The following POU6F2 variants were observed in gnomAD, a reference collection of about 807,000 sequenced individuals.
POU6F2 encodes the protein POU domain, class 6, transcription factor 2.
A neutral mutation model predicts 71.3 loss-of-function variants in POU6F2; 31 were observed. That is an observed-to-expected ratio of 0.43 (90% CI 0.33 to 0.59). The LOEUF (loss-of-function observed/expected upper bound fraction) is 0.59. Ranked by LOEUF, POU6F2 falls within the 20% of genes least tolerant of loss-of-function variation. POU6F2 has a pLI of 0.04. For missense variants in POU6F2, 783 were observed against 856.8 expected (o/e 0.91, Z 1.07); for synonymous variants, 347 against 355.7 (o/e 0.98, Z 0.27).
chr7:39,362,774 G>T (rs1318623142), intron 5 of POU6F2, among the ~76,000 whole-genome samples: 1 of 152,162 alleles, frequency 6.6e-6, no homozygotes, highest in Non-Finnish European at 1.5e-5. Flanking sequence ...AGAGTAGGGG[G>T]TTACTCTTTG....
intron 1 of POU6F2, among the ~76,000 whole-genome samples, chr7:39,066,149 G>T (rs955519143): frequency 1.3e-5 from 2 of 151,576 alleles, no homozygotes; most frequent in East Asian, 3.9e-4. Context: ...AGGTTAACTC[G>T]AAAGAAAAAA....
intron 1 of POU6F2, among the ~76,000 whole-genome samples, chr7:38,995,383 T>C (rs1476343516): frequency 5.9e-5 from 9 of 152,204 alleles, no homozygotes; most frequent in Admixed American, 4.6e-4. Flanking sequence ...TATTGCTAAG[T>C]GGTTAAGAGA....
At position 39,404,597 on chromosome 7, in the gene POU6F2, A is replaced by G. The variant is rs550790405; in HGVS notation, c.973-2003A>G. On this transcript the variant is annotated intron_variant, in intron 5 of 9. Coordinates refer to ENST00000518318, the MANE Select transcript of POU6F2 (RefSeq NM_001370959.1). ...AGATCCAACTGAACATAATTTAATC[A>G]TTTGTTGAGGATGAAGAAGTTTATT... is the stretch of plus-strand genomic sequence containing the variant. 21 of 152,330 alleles carry G rather than the reference A, an allele frequency of 1.4e-4. 1 individual carries two copies. Among genetic ancestry groups the G allele is most frequent in the Middle Eastern group, 6.8e-3 (2 of 292 alleles). 9.4% of individuals were successfully genotyped at this position (152,330 alleles called of 1,614,324 possible).
At chr7:39,120,052 T>G (rs1383988021) in intron 2 of POU6F2, among the ~76,000 whole-genome samples, 1 of 152,268 alleles carries the variant, frequency 6.6e-6, no homozygotes, top group Non-Finnish European at 1.5e-5. Context: ...CCAGCACTTG[T>G]CTGTAAGAGT....
chr7:38,978,782 A>T (rs1344141834), intron 1 of POU6F2, among the ~76,000 whole-genome samples: 1 of 152,208 alleles, frequency 6.6e-6, no homozygotes, highest in Non-Finnish European at 1.5e-5. Flanking sequence ...AAATGCCAGA[A>T]GAATATCTCT....
At chr7:39,331,367 G>C (rs73384963) in intron 4 of POU6F2, among the ~76,000 whole-genome samples, 13,157 of 152,198 alleles carry the variant, frequency 0.086, 836 homozygotes, top group South Asian at 0.18. Context: ...TTCCACAAAG[G>C]CTGTCTTAGT....
In POU6F2 at chr7:39,207,459, T is replaced by C; in HGVS notation, c.437T>C (p.Leu146Pro). 1 of 1,614,010 alleles carries C rather than the reference T, an allele frequency of 6.2e-7. No individual in the cohort carries two copies. The highest frequency in any genetic ancestry group is 2.2e-5 in the East Asian group (1 of 44,878). The change falls in exon 4 of 10, where the codon CTC becomes CCC. Residue 146 changes from leucine to proline, a missense_variant. Around this residue, in one of 2 missense-constraint regions of POU6F2, gnomAD observed 572 missense variants for 572.9 expected, o/e 1.00. Coordinates refer to ENST00000518318, the MANE Select transcript of POU6F2 (RefSeq NM_001370959.1). ...GTGATGCCGGGAGGCCCCCCAGCCC[T>C]CAACCAGCCAATCCTCATTCCCTTC... ...AGVMPGGPPA[L>P]NQPILIPFNM...
chr7:39,144,385 C>T (rs1050359492), intron 2 of POU6F2, among the ~76,000 whole-genome samples: 1 of 152,150 alleles, frequency 6.6e-6, no homozygotes, highest in Non-Finnish European at 1.5e-5. Flanking sequence ...TGTCCTATTT[C>T]CTATGATATG....
chr7:39,178,944 G>A (rs968283369), intron 2 of POU6F2, among the ~76,000 whole-genome samples: 2 of 152,134 alleles, frequency 1.3e-5, no homozygotes, highest in African/African-American at 4.8e-5. Flanking sequence ...TTTATTAGGT[G>A]AATAAAAGCT....
intron 1 of POU6F2, among the ~76,000 whole-genome samples, chr7:39,074,660 C>G (rs906158526): frequency 1.3e-5 from 2 of 151,968 alleles, no homozygotes; most frequent in Non-Finnish European, 2.9e-5. Flanking sequence ...TCCTTTTTAG[C>G]AGTGGTTTCT....
intron 2 of POU6F2, among the ~76,000 whole-genome samples, chr7:39,187,070 G>C (rs1049860115): frequency 6.6e-6 from 1 of 152,220 alleles, no homozygotes; most frequent in African/African-American, 2.4e-5. Context: ...TTTACTATGT[G>C]CCAGAAACTG....
intron 1 of POU6F2, among the ~76,000 whole-genome samples, chr7:39,032,747 C>T (rs946417177): frequency 6.6e-6 from 1 of 152,194 alleles, no homozygotes; most frequent in South Asian, 2.1e-4. Flanking sequence ...CTCGCTACCA[C>T]ACAGGCCATA....
intron 6 of POU6F2, among the ~76,000 whole-genome samples, chr7:39,412,157 G>C (rs182111207): frequency 2.1e-3 from 313 of 152,290 alleles, no homozygotes; most frequent in Admixed American, 5.9e-3. Context: ...CAGTAAAACA[G>C]GAATGATAGG....
chr7:39,027,896 C>G (rs1562676597), intron 1 of POU6F2, among the ~76,000 whole-genome samples: 1 of 152,204 alleles, frequency 6.6e-6, no homozygotes, highest in African/African-American at 2.4e-5. Context: ...CAAGTATACT[C>G]AAATTTAAAA....
intron 1 of POU6F2, among the ~76,000 whole-genome samples, chr7:39,010,906 T>G (rs1183238683): frequency 6.6e-6 from 1 of 151,944 alleles, no homozygotes; most frequent in Non-Finnish European, 1.5e-5. Flanking sequence ...TTATAATCTC[T>G]GTTCTTTTAC....
At chr7:39,461,008 A>G (rs552716793) in intron 9 of POU6F2, among the ~76,000 whole-genome samples, 7 of 152,288 alleles carry the variant, frequency 4.6e-5, no homozygotes, top group Admixed American at 2.6e-4. Context: ...CCACACTCCT[A>G]TGCAGCTGAG....
At chr7:39,201,737 C>T (rs1332517098) in intron 2 of POU6F2, among the ~76,000 whole-genome samples, 3 of 152,182 alleles carry the variant, frequency 2.0e-5, no homozygotes, top group Non-Finnish European at 4.4e-5. Context: ...TGAAAATATC[C>T]AATGTCAAAT....
intron 4 of POU6F2, among the ~76,000 whole-genome samples, chr7:39,217,245 C>T (rs1489782803): frequency 6.6e-6 from 1 of 150,528 alleles, no homozygotes; most frequent in Non-Finnish European, 1.5e-5. Flanking sequence ...TCTATGCATT[C>T]ATTATGTATG....
intron 2 of POU6F2, among the ~76,000 whole-genome samples, chr7:39,134,786 C>T (rs190106448): frequency 1.1e-3 from 171 of 152,294 alleles, no homozygotes; most frequent in Middle Eastern, 0.01. Context: ...GATGGCTAGT[C>T]TCTGTTCCGG....
Sources: gnomAD v4.1 joint callset for allele counts (sites outside exome capture counted in the v4.1 genomes callset) on GRCh38, gnomAD v4.1.1 for gene constraint, gnomAD v4.1.1 regional missense constraint, MANE v1.5 for transcripts, NCBI Gene and HGNC (gene_info 2026-07-23, HGNC 2026-07-21) for gene names.